WWOX: variants seen among roughly 807,000 people sequenced by gnomAD.
WWOX encodes WW domain containing oxidoreductase.
Under a neutral mutation model 46.2 loss-of-function variants are expected in WWOX, and 69 were observed. That is an observed-to-expected ratio of 1.49 (90% CI 1.23 to 1.82). WWOX has a LOEUF of 1.82. Ranked by LOEUF, WWOX falls within the 40% of genes most tolerant of loss-of-function variation. WWOX has a pLI of 0.00. For missense variants in WWOX, 919 were observed against 542.6 expected (o/e 1.69, Z -6.89); for synonymous variants, 359 against 202.6 (o/e 1.77, Z -6.56).
At chr16:78,716,353 C>T (rs1459549704) in intron 8 of WWOX, among the ~76,000 whole-genome samples, 1 of 152,128 alleles carries the variant, frequency 6.6e-6, no homozygotes, top group Admixed American at 6.6e-5. Context: ...TTTCAGACTT[C>T]TGGGTTCCGC....
intron 8 of WWOX, among the ~76,000 whole-genome samples, chr16:78,785,663 C>G (rs1258577916): frequency 1.3e-5 from 2 of 152,140 alleles, no homozygotes; most frequent in African/African-American, 4.8e-5. Context: ...ATTACAAAAC[C>G]ATTGTTGCAG....
intron 8 of WWOX, among the ~76,000 whole-genome samples, chr16:78,710,354 C>T (rs868146461): frequency 6.6e-6 from 1 of 151,010 alleles, no homozygotes; most frequent in East Asian, 2.0e-4. Flanking sequence ...CTCCATCCTT[C>T]CTTTTCCCAG....
intron 8 of WWOX, among the ~76,000 whole-genome samples, chr16:78,936,722 A>G (rs535658621): frequency 2.0e-5 from 3 of 152,266 alleles, no homozygotes; most frequent in African/African-American, 7.2e-5. Context: ...CAGCAATCAC[A>G]GTTTCCAGAA....
At chr16:78,143,193 A>G (rs2034046132) in intron 4 of WWOX, among the ~76,000 whole-genome samples, 1 of 152,188 alleles carries the variant, frequency 6.6e-6, no homozygotes, top group Admixed American at 6.5e-5. Flanking sequence ...ATTTGTTTTA[A>G]TGAGATTCTC....
At chr16:78,534,173 G>C (rs767772565) in intron 8 of WWOX, among the ~76,000 whole-genome samples, 1 of 152,178 alleles carries the variant, frequency 6.6e-6, no homozygotes, top group Non-Finnish European at 1.5e-5. Context: ...CGATGTATTA[G>C]CTATGCATCT....
intron 8 of WWOX, among the ~76,000 whole-genome samples, chr16:78,481,111 T>C (rs2151446738): frequency 6.6e-6 from 1 of 152,358 alleles, no homozygotes; most frequent in East Asian, 1.9e-4. Context: ...TGCATTATTT[T>C]TAAAGATGAA....
chr16:79,174,664 G>T (rs1391609842), intron 8 of WWOX, among the ~76,000 whole-genome samples: 2 of 152,114 alleles, frequency 1.3e-5, no homozygotes, highest in Non-Finnish European at 2.9e-5. Flanking sequence ...CAAAAATTAA[G>T]AGGGACTGAT....
chr16:78,375,443 A>G (rs548501708), intron 5 of WWOX, among the ~76,000 whole-genome samples: 2 of 152,362 alleles, frequency 1.3e-5, no homozygotes, highest in South Asian at 4.1e-4. Flanking sequence ...ACAGTCAATC[A>G]TTCATTTTCT....
rs571925899 is a variant in WWOX at position 78,804,768 on chromosome 16, G to A, written c.1056+372016G>A. Among the ~76,000 whole-genome samples, 3 of 152,172 alleles carry A rather than the reference G, an allele frequency of 2.0e-5. No homozygotes were observed. In the East Asian group the frequency reaches 5.8e-4, roughly 29 times the overall value. The stretch of plus-strand genomic sequence containing the variant: ...GTTTGTAGCAAAAGTTACCTTGATA[G>A]TTCAGGTGTGCAGAGAAAATTCACA... On this transcript the variant is annotated intron_variant, in intron 8 of 8. Coordinates refer to ENST00000566780, the MANE Select transcript of WWOX (RefSeq NM_016373.4).
intron 8 of WWOX, among the ~76,000 whole-genome samples, chr16:78,829,983 C>G (rs1042903400): frequency 5.3e-5 from 8 of 152,062 alleles, no homozygotes; most frequent in Admixed American, 1.3e-4. Context: ...TGGGGCCAGA[C>G]ACAGTGGCTC....
At chr16:79,090,425 A>T (rs549488125) in intron 8 of WWOX, among the ~76,000 whole-genome samples, 10 of 152,166 alleles carry the variant, frequency 6.6e-5, no homozygotes, top group African/African-American at 1.9e-4. Context: ...AGGGCCCTCT[A>T]TGTGCAATAC....
At chr16:78,792,012 A>T (rs1350661655) in intron 8 of WWOX, among the ~76,000 whole-genome samples, 1 of 152,146 alleles carries the variant, frequency 6.6e-6, no homozygotes, top group African/African-American at 2.4e-5. Flanking sequence ...TCAGTACTGG[A>T]CATTCCCTTA....
chr16:78,427,798 G>C (rs1489810762), intron 7 of WWOX, among the ~76,000 whole-genome samples: 4 of 151,720 alleles, frequency 2.6e-5, no homozygotes, highest in African/African-American at 7.3e-5. Context: ...ATTAAAAATT[G>C]TTTAAAAAAA....
intron 8 of WWOX, among the ~76,000 whole-genome samples, chr16:79,043,210 A>C (rs960930749): frequency 1.3e-5 from 2 of 152,156 alleles, no homozygotes; most frequent in Non-Finnish European, 2.9e-5. Flanking sequence ...ATGAAAAAAA[A>C]ATCTATGTAT....
chr16:78,992,478 AC>A (rs1327936257), intron 8 of WWOX, among the ~76,000 whole-genome samples: 1 of 152,114 alleles, frequency 6.6e-6, no homozygotes, highest in Non-Finnish European at 1.5e-5. Context: ...AAAAAACAAA[AC>A]AAAACAAAAA....
At chr16:78,159,606 G>C (rs942519405) in intron 4 of WWOX, among the ~76,000 whole-genome samples, 6 of 149,684 alleles carry the variant, frequency 4.0e-5, no homozygotes, top group African/African-American at 1.5e-4. Flanking sequence ...TCATACACTT[G>C]GCTATTTGTA....
chr16:78,381,167 C>G (rs1387967338), intron 5 of WWOX, among the ~76,000 whole-genome samples: 1 of 152,128 alleles, frequency 6.6e-6, no homozygotes, highest in Non-Finnish European at 1.5e-5. Flanking sequence ...CCACACACTC[C>G]CCATATGGTT....
chr16:78,525,076 A>C (rs2043431556), intron 8 of WWOX: 1 of 151,506 alleles, frequency 6.6e-6, no homozygotes, highest in Admixed American at 6.6e-5. Context: ...ATGTTGCCCA[A>C]ACTGGCCTCA....
chr16:78,987,560 T>G (rs1302306943), intron 8 of WWOX, among the ~76,000 whole-genome samples: 1 of 152,164 alleles, frequency 6.6e-6, no homozygotes, highest in East Asian at 1.9e-4. Context: ...TCCTATAAAA[T>G]ATGTGGGTTG....
Sources: allele counts gnomAD v4.1 joint callset (sites outside exome capture counted in the v4.1 genomes callset), GRCh38; gene constraint gnomAD v4.1.1; transcripts MANE v1.5; gene names NCBI Gene and HGNC (gene_info 2026-07-23, HGNC 2026-07-21).